DNAH3: variants seen among roughly 807,000 people sequenced by gnomAD.
DNAH3 encodes the protein axonemal beta dynein heavy chain 3.
DNAH3 carries 332 observed loss-of-function variants against 432.5 expected under a neutral mutation model. That is an observed-to-expected ratio of 0.77 (90% CI 0.70 to 0.84). The LOEUF (loss-of-function observed/expected upper bound fraction) is 0.84. Among genes scored for constraint, DNAH3 ranks in the 40% least tolerant of loss-of-function variants. The pLI, the probability that DNAH3 is intolerant of heterozygous loss-of-function variation, is 0.00. For missense variants in DNAH3, 4,861 were observed against 5,114.0 expected (o/e 0.95, Z 1.51); for synonymous variants, 1,956 against 1,900.2 (o/e 1.03, Z -0.76).
chr16:21,027,795 G>T (rs746554742), intron 37 of DNAH3, among the ~76,000 whole-genome samples: 6 of 152,224 alleles, frequency 3.9e-5, no homozygotes, highest in Non-Finnish European at 7.3e-5. Flanking sequence ...AATCTCAGAT[G>T]AAGAATCGAG....
Position 21,054,551 on chromosome 16 carries a change from A to C in DNAH3, c.3925-17T>G, listed in dbSNP as rs2090068578. ...CAGAAAATCCTGGAAGGGGCAGAGG[A>C]GGGGACAACTGGTTACATTTGACTC... On this transcript the variant is annotated splice_polypyrimidine_tract_variant and intron_variant, in intron 27 of 61. Coordinates refer to ENST00000261383, the Ensembl canonical transcript of DNAH3. 1 of 1,583,306 alleles carries C rather than the reference A, an allele frequency of 6.3e-7. No individual in the cohort carries two copies. The highest frequency in any genetic ancestry group is 1.3e-5 in the African/African-American group (1 of 74,362).
intron 12 of DNAH3, among the ~76,000 whole-genome samples, chr16:21,113,351 A>T (rs2092115991): frequency 2.6e-5 from 4 of 152,092 alleles, no homozygotes; most frequent in Admixed American, 2.6e-4. Context: ...CTTCTTCCTC[A>T]TTATCTCTTC....
At chr16:21,031,735 C>T (rs115023657) in intron 36 of DNAH3, among the ~76,000 whole-genome samples, 15 of 152,264 alleles carry the variant, frequency 9.9e-5, no homozygotes, top group African/African-American at 3.6e-4. Flanking sequence ...CCAGTCAGAT[C>T]CAGGACTACT....
intron 20 of DNAH3, among the ~76,000 whole-genome samples, chr16:21,075,913 T>TAAA (rs1597320609): frequency 7.5e-5 from 1 of 13,272 alleles, no homozygotes; most frequent in Non-Finnish European, 1.3e-4. Context: ...AAACCCTGTC[T>TAAA]CAAAAAAAAA....
At chr16:20,989,111 T>C (rs1392445855) in intron 44 of DNAH3, among the ~76,000 whole-genome samples, 2 of 152,128 alleles carry the variant, frequency 1.3e-5, no homozygotes, top group Non-Finnish European at 2.9e-5. Flanking sequence ...CCCGAGCGGG[T>C]TACCACTGCT....
rs1040773856 is a variant in DNAH3, at chr16:20,982,007, T to C, written c.7859+714A>G. Reference sequence around the variant, plus strand: ...TATAAAGCACATATATAATATATAATATATATAATTAAGTATATATATATA... The same window carrying C: ...TATAAAGCACATATATAATATATAACATATATAATTAAGTATATATATATA... On this transcript the variant is annotated intron_variant, in intron 49 of 61. Transcript: ENST00000261383. Among the ~76,000 whole-genome samples, 3 of 143,208 alleles carry C rather than the reference T, an allele frequency of 2.1e-5. No homozygotes were observed. The East Asian group carries it at 6.0e-4, about 29-fold the overall frequency. The allele number at this position is 143,208 out of a possible 152,430, so 94.0% of individuals were successfully genotyped here. A position where few individuals can be genotyped will look rare whatever the true frequency, so the allele number is the denominator to read the frequency against.
chr16:20,956,971 C>T (rs1295288630), intron 54 of DNAH3, among the ~76,000 whole-genome samples: 3 of 152,182 alleles, frequency 2.0e-5, no homozygotes, highest in African/African-American at 4.8e-5. Flanking sequence ...GATCCGCCTG[C>T]CTTGACCTCC....
At chr16:21,091,105 G>A (rs2091521282) in intron 18 of DNAH3, among the ~76,000 whole-genome samples, 1 of 151,920 alleles carries the variant, frequency 6.6e-6, no homozygotes, top group Non-Finnish European at 1.5e-5. Context: ...GTGAGCCGAG[G>A]TTACGTCACT....
At chr16:21,146,971 G>A (rs1386478098) in intron 1 of DNAH3, among the ~76,000 whole-genome samples, 1 of 151,858 alleles carries the variant, frequency 6.6e-6, no homozygotes, top group South Asian at 2.1e-4. Context: ...TGTTGGCCAG[G>A]CTGGTCTTGA....
intron 1 of DNAH3, among the ~76,000 whole-genome samples, chr16:21,157,923 G>GGA (rs1555580677): frequency 6.6e-6 from 1 of 151,422 alleles, no homozygotes; most frequent in Non-Finnish European, 1.5e-5. Context: ...GGTGGGGGGG[G>GGA]GCGGTTCTTG....
chr16:21,140,147 T>C (rs1307333735), intron 5 of DNAH3: 1 of 160,742 alleles, frequency 6.2e-6, no homozygotes, highest in African/African-American at 2.4e-5. Context: ...CCATATAAAA[T>C]ATGGGATGCT....
intron 7 of DNAH3, among the ~76,000 whole-genome samples, chr16:21,132,615 T>C (rs1464089726): frequency 2.0e-5 from 3 of 152,162 alleles, no homozygotes; most frequent in Non-Finnish European, 4.4e-5. Flanking sequence ...ACTGACAATA[T>C]TGTTCATTGA....
rs2089361949 is a variant in DNAH3 at position 21,040,077 on chromosome 16, G to C, written c.4639-134C>G. ...GTGACAATAAAGGCAAGAAGGACTG[G>C]GGGACAAGTGAGTGCAGATGGACCA... On this transcript the variant is annotated intron_variant, in intron 32 of 61. Transcript: ENST00000261383. The C allele has an allele frequency of 8.0e-6, 6 of 749,206 alleles. No individual in the cohort carries two copies. In the South Asian group the frequency reaches 9.4e-5, roughly 12 times the overall value. 46.4% of individuals were successfully genotyped at this position (749,206 alleles called of 1,614,324 possible).
At chr16:21,037,952 G>T in exon 34 of DNAH3, 1 of 1,614,116 alleles carries the variant, frequency 6.2e-7, no homozygotes, top group Non-Finnish European at 8.5e-7. Flanking sequence ...GAGCACAGGC[G>T]GTAGGTCGCA....
At chr16:21,053,147 G>C (rs759581388) in intron 28 of DNAH3, among the ~76,000 whole-genome samples, 110 of 152,170 alleles carry the variant, frequency 7.2e-4, no homozygotes, top group Non-Finnish European at 1.3e-3. Context: ...CTTTTCAAAG[G>C]GTTGCTTCCA....
At chr16:21,040,406 C>G (rs2089387198) in intron 32 of DNAH3, among the ~76,000 whole-genome samples, 1 of 131,926 alleles carries the variant, frequency 7.6e-6, no homozygotes, top group Non-Finnish European at 1.5e-5. Context: ...TCTCTGTCAC[C>G]CAGGCTGGAG....
Position 20,982,663 on chromosome 16 carries a change from C to T in DNAH3, c.7859+58G>A, listed in dbSNP as rs1250000182. 2.1e-6 allele frequency: 3 copies of T among 1,423,892 alleles called. No homozygotes were observed. In the South Asian group the frequency reaches 4.1e-5, roughly 20 times the overall value. 88.2% of individuals were successfully genotyped at this position (1,423,892 alleles called of 1,614,324 possible). A position where few individuals can be genotyped will look rare whatever the true frequency, so the allele number is the denominator to read the frequency against. On this transcript the variant is annotated intron_variant, in intron 49 of 61. Coordinates refer to ENST00000261383, the Ensembl canonical transcript of DNAH3. ...TTCAAAACAACAACAAAAATAGAGC[C>T]AGCGTCTGGACTTCAAATTTGGAAT...
chr16:21,129,292 A>G (rs1396479297), intron 7 of DNAH3: 1 of 152,634 alleles, frequency 6.6e-6, no homozygotes, highest in Non-Finnish European at 1.5e-5. Context: ...CATCCCCTCG[A>G]CTTCTATGGA....
At chr16:21,015,528 G>A (rs986584711) in intron 41 of DNAH3, among the ~76,000 whole-genome samples, 1 of 152,140 alleles carries the variant, frequency 6.6e-6, no homozygotes, top group Non-Finnish European at 1.5e-5. Flanking sequence ...TACAACACAA[G>A]AGTGAACCTT....
Sources: allele counts gnomAD v4.1 joint callset (sites outside exome capture counted in the v4.1 genomes callset), GRCh38; gene constraint gnomAD v4.1.1; transcripts MANE v1.5; gene names NCBI Gene and HGNC (gene_info 2026-07-23, HGNC 2026-07-21).